The following COMMD10 variants were observed in gnomAD, a reference collection of about 807,000 sequenced individuals.
COMMD10 encodes COMM domain-containing protein 10.
COMMD10 carries 33 observed loss-of-function variants against 28.9 expected under a neutral mutation model. The ratio of observed to expected loss-of-function variants is 1.14; its 90% CI spans 0.87 to 1.53. The LOEUF is 1.53. COMMD10 is among the 40% of genes most tolerant of loss of function. COMMD10 has a pLI of 0.00. For missense variants in COMMD10, 310 were observed against 233.4 expected (o/e 1.33, Z -2.14); for synonymous variants, 110 against 81.7 (o/e 1.35, Z -1.87).
At chr5:116,114,149 T>C (rs549134924) in intron 4 of COMMD10, among the ~76,000 whole-genome samples, 1 of 152,294 alleles carries the variant, frequency 6.6e-6, no homozygotes, top group South Asian at 2.1e-4. Flanking sequence ...GATAGGTCCT[T>C]CTTCAGGTTT....
intron 5 of COMMD10, among the ~76,000 whole-genome samples, chr5:116,217,073 T>C (rs1390712234): frequency 3.9e-5 from 6 of 152,048 alleles, no homozygotes; most frequent in Admixed American, 3.9e-4. Context: ...TACATATTTT[T>C]ATAAAATAAT....
chr5:116,214,787 A>G (rs1361353462), intron 5 of COMMD10, among the ~76,000 whole-genome samples: 1 of 152,152 alleles, frequency 6.6e-6, no homozygotes, highest in Non-Finnish European at 1.5e-5. Context: ...AATGTCTGCT[A>G]CATTGTTTCC....
intron 5 of COMMD10, among the ~76,000 whole-genome samples, chr5:116,235,880 A>G (rs775176434): frequency 6.6e-6 from 1 of 152,144 alleles, no homozygotes; most frequent in African/African-American, 2.4e-5. Context: ...CAGCCCTTCC[A>G]TCTTAAAATC....
At chr5:116,263,486 C>T (rs1389550729) in intron 5 of COMMD10, among the ~76,000 whole-genome samples, 1 of 151,780 alleles carries the variant, frequency 6.6e-6, no homozygotes, top group Non-Finnish European at 1.5e-5. Context: ...AATCCCCTTT[C>T]CTCTTTGTTT....
chr5:116,209,391 A>G (rs1748901369), intron 5 of COMMD10, among the ~76,000 whole-genome samples: 1 of 152,200 alleles, frequency 6.6e-6, no homozygotes, highest in African/African-American at 2.4e-5. Context: ...CCAAATCTGT[A>G]GTTAATACTG....
chr5:116,100,322 T>C (rs1411385179), intron 4 of COMMD10, among the ~76,000 whole-genome samples: 1 of 152,200 alleles, frequency 6.6e-6, no homozygotes, highest in Non-Finnish European at 1.5e-5. Context: ...TTGTTTTTGC[T>C]TTTGTTATGT....
chr5:116,150,675 T>A (rs971996672), intron 5 of COMMD10, among the ~76,000 whole-genome samples: 1 of 143,210 alleles, frequency 7.0e-6, no homozygotes, highest in African/African-American at 2.7e-5. Flanking sequence ...TATTGGTGTA[T>A]AAGAATGCTT....
At chr5:116,152,873 T>C (rs1408658140) in intron 5 of COMMD10, among the ~76,000 whole-genome samples, 1 of 152,142 alleles carries the variant, frequency 6.6e-6, no homozygotes, top group Non-Finnish European at 1.5e-5. Context: ...CATTGACCTA[T>C]TTTAATTTGT....
chr5:116,218,187 G>A, intron 5 of COMMD10: 1 of 801,566 alleles, frequency 1.2e-6, no homozygotes. Flanking sequence ...CTGGGCTCTG[G>A]CTTTGGAGAA....
Position 116,169,375 on chromosome 5 carries a change from A to T in COMMD10, c.510+35197A>T, listed in dbSNP as rs185473738. Among the ~76,000 whole-genome samples the T allele has an allele frequency of 2.6e-3, 400 of 152,356 alleles. 1 individual carries two copies. Among genetic ancestry groups the T allele is most frequent in the African/African-American group, 9.0e-3 (373 of 41,582 alleles). On this transcript the variant is annotated intron_variant, in intron 5 of 6. Transcript: ENST00000274458. ...AATTAATGGGCTACCAACCAAAAAA[A>T]AGCCCAGGACCACACAGATTCATAG...
At chr5:116,250,894 A>G (rs1487646408) in intron 5 of COMMD10, among the ~76,000 whole-genome samples, 2 of 152,030 alleles carry the variant, frequency 1.3e-5, no homozygotes, top group African/African-American at 4.8e-5. Flanking sequence ...TCTTCTGAGC[A>G]ATGAACCATA....
rs188705202 is a variant in COMMD10, at chr5:116,152,106, T to C, written c.510+17928T>C. Among the ~76,000 whole-genome samples, 1,088 of 152,202 alleles carry C rather than the reference T, an allele frequency of 7.1e-3. 6 individuals carry two copies. The highest frequency in any genetic ancestry group is 0.014 in the Middle Eastern group (4 of 294). ...AACATCTTTATTTCTGCCTTCATTT[T>C]GTTATGTACCCAGTAGTCATTCAGG... On this transcript the variant is annotated intron_variant, in intron 5 of 6. Transcript: ENST00000274458.
At chr5:116,148,750 A>G (rs1752420159) in intron 5 of COMMD10, among the ~76,000 whole-genome samples, 1 of 151,876 alleles carries the variant, frequency 6.6e-6, no homozygotes, top group South Asian at 2.1e-4. Context: ...TTTGTGTATC[A>G]AAGAACATTG....
chr5:116,239,918 A>T (rs1749770022), intron 5 of COMMD10, among the ~76,000 whole-genome samples: 1 of 152,266 alleles, frequency 6.6e-6, no homozygotes, highest in South Asian at 2.1e-4. Flanking sequence ...CTTATAACTT[A>T]TAACTTAGCT....
intron 4 of COMMD10, among the ~76,000 whole-genome samples, chr5:116,099,842 A>G (rs895380118): frequency 4.6e-5 from 7 of 152,002 alleles, no homozygotes; most frequent in African/African-American, 1.7e-4. Flanking sequence ...TGTATTTTGT[A>G]TGTTAACCTC....
intron 4 of COMMD10, among the ~76,000 whole-genome samples, chr5:116,109,781 A>C (rs1391673305): frequency 2.6e-5 from 4 of 152,110 alleles, no homozygotes; most frequent in Admixed American, 6.5e-5. Flanking sequence ...ATTTTTCATG[A>C]ATCTTTAGGT....
intron 5 of COMMD10, among the ~76,000 whole-genome samples, chr5:116,230,211 C>T (rs966471955): frequency 6.6e-6 from 1 of 151,906 alleles, no homozygotes; most frequent in Non-Finnish European, 1.5e-5. Context: ...AGCCTTACTA[C>T]GTTTCTGTTT....
chr5:116,137,337 A>G (rs1752052403), intron 5 of COMMD10, among the ~76,000 whole-genome samples: 1 of 152,096 alleles, frequency 6.6e-6, no homozygotes, highest in Non-Finnish European at 1.5e-5. Flanking sequence ...TTAAAAAACA[A>G]GTTTATTAAA....
In COMMD10 at chr5:116,092,601, T is replaced by C. The variant is rs1187964889; in HGVS notation, c.300T>C (p.His100=). The C allele has an allele frequency of 3.1e-6, 5 of 1,612,194 alleles. No homozygotes were observed. The highest frequency in any genetic ancestry group is 4.5e-5 in the East Asian group (2 of 44,830). Reference sequence around the variant, plus strand: ...TGCAGCAGCAATTAGAGAACATTCATCTTAGACAAGACAAAGCTGAAGCAT... The same window carrying C: ...TGCAGCAGCAATTAGAGAACATTCACCTTAGACAAGACAAAGCTGAAGCAT... ...AALQQQLENI[H]LRQDKAEAFV... The change falls in exon 4 of 7, where the codon CAT becomes CAC. Residue 100 remains histidine (H), a synonymous_variant. Transcript: ENST00000274458.
Sources: gnomAD v4.1 joint callset for allele counts (sites outside exome capture counted in the v4.1 genomes callset) on GRCh38, gnomAD v4.1.1 for gene constraint, MANE v1.5 for transcripts, NCBI Gene and HGNC (gene_info 2026-07-23, HGNC 2026-07-21) for gene names.